OXSR1: variants seen among roughly 807,000 people sequenced by gnomAD.
OXSR1 encodes oxidative stress responsive kinase 1, also known as serine/threonine-protein kinase OSR1.
OXSR1 carries 24 observed loss-of-function variants against 79.8 expected under a neutral mutation model. The ratio of observed to expected loss-of-function variants is 0.30; its 90% CI spans 0.22 to 0.42. The LOEUF is 0.42. Ranked by LOEUF, OXSR1 falls within the 10% of genes least tolerant of loss-of-function variation. The pLI is 1.00. For missense variants in OXSR1, 430 were observed against 618.4 expected (o/e 0.70, Z 3.23); for synonymous variants, 226 against 209.2 (o/e 1.08, Z -0.69).
intron 3 of OXSR1, among the ~76,000 whole-genome samples, chr3:38,194,034 T>C (rs546239289): frequency 2.7e-4 from 41 of 152,284 alleles, no homozygotes; most frequent in African/African-American, 8.7e-4. Flanking sequence ...ATTTTTTTTT[T>C]AAACAGGAGG....
chr3:38,182,361 C>T (rs1701803170), intron 1 of OXSR1, among the ~76,000 whole-genome samples: 1 of 152,192 alleles, frequency 6.6e-6, no homozygotes, highest in African/African-American at 2.4e-5. Flanking sequence ...GGAGACCCTG[C>T]TGATGCTGGG....
chr3:38,239,855 C>T (rs1457401287), intron 11 of OXSR1, among the ~76,000 whole-genome samples: 1 of 152,170 alleles, frequency 6.6e-6, no homozygotes, highest in East Asian at 1.9e-4. Flanking sequence ...TTCCACCTCC[C>T]TGTGCCACAG....
At position 38,230,516 on chromosome 3, in the gene OXSR1, G is replaced by A. The variant is rs9845978; in HGVS notation, c.951+86G>A. 4.6e-4 allele frequency: 393 copies of A among 855,004 alleles called. 2 individuals are homozygous for A. The African/African-American group carries it at 5.8e-3, about 13-fold the overall frequency. The allele number at this position is 855,004 out of a possible 1,614,324, so 53.0% of individuals were successfully genotyped here. On this transcript the variant is annotated intron_variant, in intron 10 of 17. Transcript: ENST00000311806. ...CATGTTAAGTAATACATTGTTAATAGTATATGAGAATTACTGGTTTTCTGT... is the reference window on the plus strand; with the variant it reads ...CATGTTAAGTAATACATTGTTAATAATATATGAGAATTACTGGTTTTCTGT...
chr3:38,243,092 G>A (rs1440980966), intron 12 of OXSR1, among the ~76,000 whole-genome samples: 1 of 151,800 alleles, frequency 6.6e-6, no homozygotes, highest in African/African-American at 2.4e-5. Context: ...GAGTGCAGTG[G>A]TGTGATCACG....
intron 4 of OXSR1, among the ~76,000 whole-genome samples, chr3:38,201,830 C>G (rs1702171205): frequency 6.6e-6 from 1 of 151,728 alleles, no homozygotes; most frequent in Admixed American, 6.6e-5. Flanking sequence ...TGCCATTACA[C>G]TCCAGCCTGG....
At chr3:38,223,741 C>T (rs1702635426) in intron 6 of OXSR1, 71 bp from the exon 7 acceptor site, 1 of 1,090,702 alleles carries the variant, frequency 9.2e-7, no homozygotes, top group Non-Finnish European at 1.4e-6. Flanking sequence ...TGAGCCTCCA[C>T]CCTGGCCAGA....
intron 16 of OXSR1, 29 bp downstream of exon 16, chr3:38,251,500 T>G: frequency 6.5e-7 from 1 of 1,545,282 alleles, no homozygotes; most frequent in Non-Finnish European, 8.9e-7. Context: ...GCTCATGTGC[T>G]CCTGTGTCTC....
intron 1 of OXSR1, among the ~76,000 whole-genome samples, chr3:38,174,445 G>A (rs1043871296): frequency 1.3e-5 from 2 of 152,108 alleles, no homozygotes; most frequent in African/African-American, 4.8e-5. Flanking sequence ...AGCTGGGTTT[G>A]GTGGTGCATG....
intron 2 of OXSR1, among the ~76,000 whole-genome samples, chr3:38,190,307 G>A (rs1006979460): frequency 1.3e-5 from 2 of 151,626 alleles, no homozygotes; most frequent in African/African-American, 4.9e-5. Context: ...TCACAAAAAT[G>A]GAATGAAGTA....
Position 38,190,591 on chromosome 3 carries a change from C to A in OXSR1, c.184-140C>A, listed in dbSNP as rs1701964755. The A allele has an allele frequency of 5.0e-6, 3 of 594,718 alleles. No homozygotes were observed. In the South Asian group the frequency reaches 6.5e-5, roughly 13 times the overall value. The allele number at this position is 594,718 out of a possible 1,614,324, so 36.8% of individuals were successfully genotyped here. A position where few individuals can be genotyped will look rare whatever the true frequency, so the allele number is the denominator to read the frequency against. ...GACAAAGTGGTTTTATTGGTTTAACCCTTCTTGAAGAAATCAGAGCCATGG... is the reference window on the plus strand; with the variant it reads ...GACAAAGTGGTTTTATTGGTTTAACACTTCTTGAAGAAATCAGAGCCATGG... On this transcript the variant is annotated intron_variant, in intron 2 of 17. Coordinates refer to ENST00000311806, the MANE Select transcript of OXSR1 (RefSeq NM_005109.3).
chr3:38,185,390 G>C (rs909014932), intron 2 of OXSR1, among the ~76,000 whole-genome samples: 3 of 151,942 alleles, frequency 2.0e-5, no homozygotes, highest in African/African-American at 7.3e-5. Context: ...TTTGAGACCA[G>C]CTTGGCCAAC....
rs1703294571 is a variant in OXSR1, at chr3:38,253,139, T to A, written c.*248T>A. 1 of 486,872 alleles carries A rather than the reference T, an allele frequency of 2.1e-6. No homozygotes were observed. Among genetic ancestry groups the A allele is most frequent in the African/African-American group, 2.0e-5 (1 of 50,512 alleles). The allele number at this position is 486,872 out of a possible 1,614,324, so 30.2% of individuals were successfully genotyped here. A position where few individuals can be genotyped will look rare whatever the true frequency, so the allele number is the denominator to read the frequency against. On this transcript the variant is annotated 3_prime_UTR_variant, in exon 18 of 18. Coordinates refer to ENST00000311806, the MANE Select transcript of OXSR1 (RefSeq NM_005109.3). ...TTACTTCATATGTCCCCTGTCTTCC[T>A]CCATCTGAGAAGTGGCCCATGTGCT...
chr3:38,246,999 C>T (rs1029261588), intron 13 of OXSR1, among the ~76,000 whole-genome samples: 6 of 150,964 alleles, frequency 4.0e-5, no homozygotes, highest in Non-Finnish European at 8.8e-5. Flanking sequence ...TAGATCATCT[C>T]GTGTTCTGCC....
chr3:38,217,012 G>T (rs1702494274), intron 5 of OXSR1, among the ~76,000 whole-genome samples: 2 of 152,060 alleles, frequency 1.3e-5, no homozygotes, highest in Admixed American at 1.3e-4. Context: ...CCACAGAGTA[G>T]AGAAGATATT....
At chr3:38,167,701 T>C (rs1433127730) in intron 1 of OXSR1, among the ~76,000 whole-genome samples, 1 of 152,228 alleles carries the variant, frequency 6.6e-6, no homozygotes. Flanking sequence ...CATGGGCCTG[T>C]GTCCTTGCTA....
intron 4 of OXSR1, among the ~76,000 whole-genome samples, chr3:38,209,022 G>A (rs980130088): frequency 6.6e-6 from 1 of 152,174 alleles, no homozygotes; most frequent in African/African-American, 2.4e-5. Context: ...GTTTGGTGGG[G>A]TATGGTACCT....
intron 4 of OXSR1, among the ~76,000 whole-genome samples, chr3:38,207,018 A>G (rs1299640742): frequency 6.6e-6 from 1 of 152,266 alleles, no homozygotes; most frequent in African/African-American, 2.4e-5. Flanking sequence ...TTAGCACACA[A>G]GAATCAGTGA....
At chr3:38,236,660 A>G (rs1702924248) in intron 10 of OXSR1, 179 bp from the exon 11 acceptor site, 1 of 451,472 alleles carries the variant, frequency 2.2e-6, no homozygotes, top group Non-Finnish European at 3.9e-6. Context: ...GACAGGTAGT[A>G]GAGATTGTCA....
chr3:38,214,955 G>C (rs1221848982), intron 4 of OXSR1, among the ~76,000 whole-genome samples: 1 of 152,128 alleles, frequency 6.6e-6, no homozygotes, highest in Non-Finnish European at 1.5e-5. Flanking sequence ...TCCATGAGCA[G>C]GCCTTGCTTT....
Sources: allele counts gnomAD v4.1 joint callset (sites outside exome capture counted in the v4.1 genomes callset), GRCh38; gene constraint gnomAD v4.1.1; transcripts MANE v1.5; gene names NCBI Gene and HGNC (gene_info 2026-07-23, HGNC 2026-07-21).